The following ZBTB41 variants were observed in gnomAD, a reference collection of about 807,000 sequenced individuals.
ZBTB41 encodes the protein zinc finger and BTB domain containing 41.
In ZBTB41, 42 loss-of-function variants were observed where a neutral mutation model predicts 87.6. The observed-to-expected ratio is 0.48, with a 90% confidence interval of 0.37 to 0.62. The LOEUF is 0.62. ZBTB41 is among the 20% of genes least tolerant of loss of function. The pLI, the probability that ZBTB41 is intolerant of heterozygous loss-of-function variation, is 0.00. For synonymous variants in ZBTB41, 364 were observed against 364.0 expected, an observed-to-expected ratio of 1.00 and a Z score of 0.00; for missense variants, 799 against 1,078.9, an observed-to-expected ratio of 0.74 and a Z score of 3.63.
rs114088598 is a variant in ZBTB41, at chr1:197,163,397, A to G, written c.2075-3383T>C. ...GGACATCAAAATCAATATGATTAAT[A>G]TGTACAGGACAATACAGGAAAAGTA... On this transcript the variant is annotated intron_variant, in intron 10 of 10. Transcript: ENST00000367405. Among the ~76,000 whole-genome samples the G allele has an allele frequency of 1.6e-3, 244 of 152,252 alleles. 2 individuals are homozygous for G. The highest frequency in any genetic ancestry group is 5.6e-3 in the African/African-American group (233 of 41,554).
Position 197,200,599 on chromosome 1 carries a change from G to A in ZBTB41, c.-117-9C>T, listed in dbSNP as rs1297363795. ...CCCAAGGGTTTCATGGTCTGCAAAA[G>A]AGTGAGAACCACGTAAAATAACTCC... On this transcript the variant is annotated splice_polypyrimidine_tract_variant and intron_variant, in intron 1 of 10. Transcript: ENST00000367405. 3 of 837,368 alleles carry A rather than the reference G, an allele frequency of 3.6e-6. No homozygotes were observed. Among genetic ancestry groups the A allele is most frequent in the African/African-American group, 3.4e-5 (2 of 58,624 alleles). 51.9% of individuals were successfully genotyped at this position (837,368 alleles called of 1,614,324 possible). A position where few individuals can be genotyped will look rare whatever the true frequency, so the allele number is the denominator to read the frequency against.
At chr1:197,190,957 G>A (rs1660011070) in intron 3 of ZBTB41, 126 bp from the exon 4 acceptor site, 1 of 557,462 alleles carries the variant, frequency 1.8e-6, no homozygotes. Context: ...AGACAAGTAG[G>A]CATAGATGAG....
Position 197,156,351 on chromosome 1 carries a change from A to G in ZBTB41, c.*3008T>C, listed in dbSNP as rs764658124. On this transcript the variant is annotated 3_prime_UTR_variant, in exon 11 of 11. Coordinates refer to ENST00000367405, the MANE Select transcript of ZBTB41 (RefSeq NM_194314.3). ...TGGTGCATTTAAGTCAAAACCCATT[A>G]GATTAACACATTCCTGCACTTGATA... The G allele has an allele frequency of 2.0e-4, 30 of 152,244 alleles. No homozygotes were observed. The highest frequency in any genetic ancestry group is 1.4e-3 in the Admixed American group (22 of 15,216). 9.4% of individuals were successfully genotyped at this position (152,244 alleles called of 1,614,324 possible). A position where few individuals can be genotyped will look rare whatever the true frequency, so the allele number is the denominator to read the frequency against.
intron 2 of ZBTB41, among the ~76,000 whole-genome samples, chr1:197,195,511 A>C (rs905696169): frequency 2.6e-5 from 4 of 152,208 alleles, no homozygotes; most frequent in Non-Finnish European, 5.9e-5. Flanking sequence ...TGTAATTAAA[A>C]TACTTAGCCT....
At chr1:197,199,114 A>C (rs149818561) in intron 2 of ZBTB41, among the ~76,000 whole-genome samples, 7 of 152,298 alleles carry the variant, frequency 4.6e-5, no homozygotes, top group African/African-American at 1.4e-4. Context: ...CAAATACATG[A>C]TCTAATGATG....
chr1:197,178,990 A>G (rs2125131452), intron 6 of ZBTB41, among the ~76,000 whole-genome samples: 1 of 152,254 alleles, frequency 6.6e-6, no homozygotes, highest in South Asian at 2.1e-4. Flanking sequence ...GAACCTATAT[A>G]CAGAATGTAA....
At position 197,169,485 on chromosome 1, in the gene ZBTB41, A is replaced by C. The variant is rs529155245; in HGVS notation, c.2074+2675T>G. On this transcript the variant is annotated intron_variant, in intron 10 of 10. Coordinates refer to ENST00000367405, the MANE Select transcript of ZBTB41 (RefSeq NM_194314.3). ...ATACTACATGATTTCACTTATATGAAGTTCAAATAGACAAAATTAATTTTT... is the reference window on the plus strand; with the variant it reads ...ATACTACATGATTTCACTTATATGACGTTCAAATAGACAAAATTAATTTTT... 1.6e-4 allele frequency among the ~76,000 whole-genome samples: 24 copies of C among 152,204 alleles called. No individual in the cohort carries two copies. In the East Asian group the frequency reaches 4.0e-3, roughly 26 times the overall value.
At chr1:197,194,594 C>G (rs1571669904) in intron 2 of ZBTB41, among the ~76,000 whole-genome samples, 1 of 125,322 alleles carries the variant, frequency 8.0e-6, no homozygotes, top group Non-Finnish European at 1.6e-5. Context: ...CCCTACAGAC[C>G]AGGAGAGATA....
Position 197,155,317 on chromosome 1 carries a change from A to T in ZBTB41, c.*4042T>A, listed in dbSNP as rs976353406. The stretch of plus-strand genomic sequence containing the variant: ...ATATAAACATAAAGCAACCTAAAAA[A>T]AAAAAGTTGCCCAACCAGCAGGCAA... On this transcript the variant is annotated 3_prime_UTR_variant, in exon 11 of 11. Transcript: ENST00000367405. 4.6e-5 allele frequency: 7 copies of T among 152,308 alleles called. No homozygotes were observed. Among genetic ancestry groups the T allele is most frequent in the Non-Finnish European group, 8.8e-5 (6 of 67,848 alleles). 9.4% of individuals were successfully genotyped at this position (152,308 alleles called of 1,614,324 possible).
intron 10 of ZBTB41, among the ~76,000 whole-genome samples, chr1:197,166,765 T>C (rs1659355011): frequency 6.6e-6 from 1 of 151,932 alleles, no homozygotes; most frequent in Non-Finnish European, 1.5e-5. Context: ...GAGAATCGCT[T>C]GAACCCAGGA....
chr1:197,182,075 CA>C (rs1412270625), intron 5 of ZBTB41, among the ~76,000 whole-genome samples: 3 of 150,488 alleles, frequency 2.0e-5, no homozygotes, highest in African/African-American at 7.3e-5. Flanking sequence ...TCCTCTGAAC[CA>C]AAAAAAGGCT....
chr1:197,159,447 G>A lies in ZBTB41; in HGVS notation c.2642C>T (p.Pro881Leu). Residue 881 changes from proline to leucine, a missense_variant, in exon 11 of 11, where the codon CCT becomes CTT. By Grantham distance (98) the Pro-to-Leu change is moderately conservative (BLOSUM62 -3). Around this residue, in one of 5 missense-constraint regions of ZBTB41, gnomAD observed 171 missense variants for 191.9 expected, o/e 0.89. Coordinates refer to ENST00000367405, the MANE Select transcript of ZBTB41 (RefSeq NM_194314.3). Reference sequence around the variant, plus strand: ...TGTTCCAAGATAAGATTGTTCTCTAGGATCTAGCATTTGTTCAGGTCGAAC... The same window carrying A: ...TGTTCCAAGATAAGATTGTTCTCTAAGATCTAGCATTTGTTCAGGTCGAAC... ...HPVRPEQMLD[P>L]REQSYLGTLL... 6.2e-7 allele frequency: 1 copy of A among 1,613,872 alleles called. No homozygotes were observed. The highest frequency in any genetic ancestry group is 8.5e-7 in the Non-Finnish European group (1 of 1,179,824).
At chr1:197,193,664 C>T (rs1022659728) in intron 2 of ZBTB41, among the ~76,000 whole-genome samples, 4 of 152,258 alleles carry the variant, frequency 2.6e-5, no homozygotes, top group Admixed American at 1.3e-4. Context: ...CTAGAGTATA[C>T]TCAACCATTT....
rs1652716811 is a variant in ZBTB41, at chr1:197,200,401, C to T, written c.73G>A (p.Gly25Arg). 1 of 1,613,008 alleles carries T rather than the reference C, an allele frequency of 6.2e-7. No homozygotes were observed. Among genetic ancestry groups the T allele is most frequent in the Non-Finnish European group, 8.5e-7 (1 of 1,179,808 alleles). Reference sequence around the variant, plus strand: ...TGGTCACACTCCACTGCAACATTTCCTTCTGAAGAATCTTTATGATAGCCT... The same window carrying T: ...TGGTCACACTCCACTGCAACATTTCTTTCTGAAGAATCTTTATGATAGCCT... ...HLGYHKDSSE[G>R]NVAVECDQVT... Residue 25 changes from glycine to arginine, a missense_variant, in exon 2 of 11, where the codon GGA becomes AGA. Physicochemically the swap from Gly to Arg is moderately radical, Grantham distance 125. This residue lies in a region of ZBTB41 where 77 missense variants were observed against 68.4 expected (regional missense o/e 1.13). Transcript: ENST00000367405.
At chr1:197,200,661 T>C in intron 1 of ZBTB41, 71 bp from the exon 2 acceptor site, 1 of 471,734 alleles carries the variant, frequency 2.1e-6, no homozygotes, top group Non-Finnish European at 3.7e-6. Flanking sequence ...ACGGCAATCA[T>C]CAACGAATTC....
Position 197,159,474 on chromosome 1 carries a change from G to A in ZBTB41, c.2615C>T (p.Pro872Leu). 1 of 1,613,910 alleles carries A rather than the reference G, an allele frequency of 6.2e-7. No homozygotes were observed. Among genetic ancestry groups the A allele is most frequent in the Non-Finnish European group, 8.5e-7 (1 of 1,179,854 alleles). ...LTPQPANIVH[P>L]VRPEQMLDPR... is the part of the protein sequence containing the mutation. ...ATCTAGCATTTGTTCAGGTCGAACTGGGTGAACTATATTTGCAGGTTGAGG... is the reference window on the plus strand; with the variant it reads ...ATCTAGCATTTGTTCAGGTCGAACTAGGTGAACTATATTTGCAGGTTGAGG... The change falls in exon 11 of 11, where the codon CCA becomes CTA. Residue 872 changes from proline (P) to leucine (L), a missense_variant. Pro to Leu is a moderately conservative substitution (Grantham distance 98). Around this residue, in one of 5 missense-constraint regions of ZBTB41, gnomAD observed 171 missense variants for 191.9 expected, o/e 0.89. Coordinates refer to ENST00000367405, the MANE Select transcript of ZBTB41 (RefSeq NM_194314.3).
chr1:197,175,819 T>C (rs1659591806), intron 8 of ZBTB41: 1 of 151,906 alleles, frequency 6.6e-6, no homozygotes, highest in South Asian at 2.1e-4. Context: ...TAGTATCTGT[T>C]AGAAGTGGTG....
At chr1:197,184,896 C>T (rs1659844139) in intron 5 of ZBTB41, among the ~76,000 whole-genome samples, 1 of 152,032 alleles carries the variant, frequency 6.6e-6, no homozygotes, top group Admixed American at 6.6e-5. Context: ...CTCACCACAA[C>T]CTCCGCCTCT....
At chr1:197,175,731 C>T (rs1659589987) in intron 8 of ZBTB41, among the ~76,000 whole-genome samples, 1 of 151,408 alleles carries the variant, frequency 6.6e-6, no homozygotes, top group Non-Finnish European at 1.5e-5. Context: ...AAGCATGTGG[C>T]CTCTAGACTT....
Sources: allele counts gnomAD v4.1 joint callset (sites outside exome capture counted in the v4.1 genomes callset), GRCh38; gene constraint gnomAD v4.1.1; regional missense constraint gnomAD v4.1.1; transcripts MANE v1.5; gene names NCBI Gene and HGNC (gene_info 2026-07-23, HGNC 2026-07-21).